The following MYOF variants were observed in gnomAD, a reference collection of about 807,000 sequenced individuals.
MYOF encodes the protein fer-1-like 3, myoferlin.
A neutral mutation model predicts 284.2 loss-of-function variants in MYOF; 244 were observed. The observed-to-expected ratio is 0.86, with a 90% confidence interval of 0.77 to 0.95. The LOEUF is 0.95. Ranked by LOEUF, MYOF falls within the 40% of genes least tolerant of loss-of-function variation. The probability of loss-of-function intolerance (pLI) is 0.00; values close to 1 mark genes in which losing one functional copy is unlikely to be tolerated. For synonymous variants in MYOF, 904 were observed against 919.7 expected (o/e 0.98, Z 0.31); for missense variants, 2,496 against 2,560.6 (o/e 0.97, Z 0.54).
intron 51 of MYOF, among the ~76,000 whole-genome samples, chr10:93,311,688 G>A (rs1431747822): frequency 6.6e-6 from 1 of 152,082 alleles, no homozygotes; most frequent in Non-Finnish European, 1.5e-5. Context: ...AGCCAGGAAA[G>A]GCAGCAAGGT....
Position 93,369,796 on chromosome 10 carries a change from A to T in MYOF, c.2458-20T>A. On this transcript the variant is annotated intron_variant, in intron 24 of 53. Transcript: ENST00000359263. Reference sequence around the variant, plus strand: ...TGGATACTGTGAGATGAACAATAGCATGTGATGTTACATTAGGCACAGCAA... The same window carrying T: ...TGGATACTGTGAGATGAACAATAGCTTGTGATGTTACATTAGGCACAGCAA... 1 of 1,613,968 alleles carries T rather than the reference A, an allele frequency of 6.2e-7. No individual in the cohort carries two copies. Among genetic ancestry groups the T allele is most frequent in the Non-Finnish European group, 8.5e-7 (1 of 1,179,920 alleles).
At chr10:93,451,384 C>T (rs2056586039) in intron 3 of MYOF, among the ~76,000 whole-genome samples, 1 of 152,030 alleles carries the variant, frequency 6.6e-6, no homozygotes. Context: ...GAATTGGTAA[C>T]ATACGACTGG....
At chr10:93,329,208 G>T (rs1339086501) in intron 44 of MYOF, among the ~76,000 whole-genome samples, 3 of 152,170 alleles carry the variant, frequency 2.0e-5, no homozygotes, top group Non-Finnish European at 4.4e-5. Context: ...TCATAAACTA[G>T]AAATTGCAAG....
chr10:93,307,314 G>GAGAT lies in MYOF; in HGVS notation c.6148-317_6148-314dup, dbSNP rs572416667. Among the ~76,000 whole-genome samples, 454 of 151,024 alleles carry GAGAT rather than the reference G, an allele frequency of 3.0e-3. 4 individuals are homozygous for GAGAT. Among genetic ancestry groups the GAGAT allele is most frequent in the African/African-American group, 0.01 (417 of 41,116 alleles). The stretch of plus-strand genomic sequence containing the variant: ...TTATTTTTATTTTTATTTTTTTTTT[G>GAGAT]AGATGGAGTCTTGCTCTGTCGCCTA... On this transcript the variant is annotated intron_variant, in intron 53 of 53. Coordinates refer to ENST00000359263, the MANE Select transcript of MYOF (RefSeq NM_013451.4).
rs74511806 is a variant in MYOF at position 93,403,214 on chromosome 10, G to A, written c.844-324C>T. 3.9e-5 allele frequency among the ~76,000 whole-genome samples: 6 copies of A among 152,222 alleles called. No homozygotes were observed. In the East Asian group the frequency reaches 1.2e-3, roughly 29 times the overall value. ...AAGTCCCAGGCAAAGTGGGACCATTGGTCATCCTACAGAAATTCACCTGGC... is the reference window on the plus strand; with the variant it reads ...AAGTCCCAGGCAAAGTGGGACCATTAGTCATCCTACAGAAATTCACCTGGC... On this transcript the variant is annotated intron_variant, in intron 9 of 53. Transcript: ENST00000359263.
chr10:93,381,180 T>C (rs1387024442), intron 20 of MYOF, 39 bp downstream of exon 20: 3 of 1,607,692 alleles, frequency 1.9e-6, no homozygotes, highest in East Asian at 2.2e-5. Flanking sequence ...GGTGCACCCA[T>C]TGTAAACGTG....
At chr10:93,407,737 CAAA>C (rs34172104) in intron 7 of MYOF, among the ~76,000 whole-genome samples, 17 of 95,130 alleles carry the variant, frequency 1.8e-4, no homozygotes, top group Admixed American at 3.4e-4. Context: ...GACTCTGTCT[CAAA>C]AAAAAAAAAA....
In MYOF at chr10:93,402,251, C is replaced by T. The variant is rs746877048; in HGVS notation, c.971G>A (p.Gly324Glu). Residue 324 changes from glycine to glutamate, a missense_variant, in exon 11 of 54, where the codon GGA becomes GAA. Physicochemically the swap from Gly to Glu is moderately conservative, Grantham distance 98. Transcript: ENST00000359263. ...GYMKVSMFVL[G>E]TGDEPPPERR... ...ACTCACAGGAGGCTCATCTCCGGTT[C>T]CCAGGACAAACATGCTGACTTTCAT... The T allele has an allele frequency of 6.2e-7, 1 of 1,613,906 alleles. No individual in the cohort carries two copies. Among genetic ancestry groups the T allele is most frequent in the South Asian group, 1.1e-5 (1 of 91,072 alleles).
Position 93,333,287 on chromosome 10 carries a change from A to G in MYOF, c.4745T>C (p.Leu1582Pro), listed in dbSNP as rs760237224. The G allele has an allele frequency of 3.3e-5, 53 of 1,614,040 alleles. No homozygotes were observed. The highest frequency in any genetic ancestry group is 4.1e-5 in the Non-Finnish European group (48 of 1,179,996). Reference sequence around the variant, plus strand: ...TCGGTCTTCAATGACTTTTTTGCCCAGTGTTATTTTTATGTAAGGGTCACA... The same window carrying G: ...TCGGTCTTCAATGACTTTTTTGCCCGGTGTTATTTTTATGTAAGGGTCACA... ...GLCDPYIKIT[L>P]GKKVIEDRDH... The change falls in exon 43 of 54, where the codon CTG (leucine) becomes CCG (proline). Residue 1582 changes from leucine (L) to proline (P), a missense_variant. Coordinates refer to ENST00000359263, the MANE Select transcript of MYOF (RefSeq NM_013451.4).
intron 2 of MYOF, among the ~76,000 whole-genome samples, chr10:93,456,624 C>A (rs775868717): frequency 7.9e-5 from 12 of 152,168 alleles, no homozygotes; most frequent in Non-Finnish European, 1.6e-4. Flanking sequence ...AAGCTCGTGG[C>A]GGTGCCTGGT....
chr10:93,317,205 C>T (rs1043543870), intron 49 of MYOF, among the ~76,000 whole-genome samples: 2 of 146,240 alleles, frequency 1.4e-5, no homozygotes, highest in African/African-American at 2.5e-5. Flanking sequence ...TGCTCAGCAA[C>T]TTTCTACCCA....
In MYOF at chr10:93,359,873, C is replaced by T. The variant is rs1027491134; in HGVS notation, c.3080G>A (p.Arg1027His). ...THRRRRLVRK[R>H]KKDLTQTASS... Reference sequence around the variant, plus strand: ...AGCAGTCTGTGTTAAATCTTTCTTGCGTTTTCGGACCAGCCTTCGCCGTCT... The same window carrying T: ...AGCAGTCTGTGTTAAATCTTTCTTGTGTTTTCGGACCAGCCTTCGCCGTCT... Residue 1027 changes from arginine to histidine, a missense_variant, in exon 29 of 54, where the codon CGC becomes CAC. This residue lies in a region of MYOF where 2,436 missense variants were observed against 2,480.7 expected (regional missense o/e 0.98). Coordinates refer to ENST00000359263, the MANE Select transcript of MYOF (RefSeq NM_013451.4). 15 of 1,614,040 alleles carry T rather than the reference C, an allele frequency of 9.3e-6. No individual in the cohort carries two copies. The highest frequency in any genetic ancestry group is 2.7e-5 in the African/African-American group (2 of 74,942).
chr10:93,423,648 A>G (rs1164957419), intron 5 of MYOF, among the ~76,000 whole-genome samples: 1 of 151,492 alleles, frequency 6.6e-6, no homozygotes, highest in Non-Finnish European at 1.5e-5. Context: ...CCTGGCTAAC[A>G]CGGTGAAACC....
At chr10:93,317,769 G>A (rs1842679214) in intron 49 of MYOF, among the ~76,000 whole-genome samples, 1 of 152,244 alleles carries the variant, frequency 6.6e-6, no homozygotes, top group African/African-American at 2.4e-5. Flanking sequence ...CATTGCCTCA[G>A]ACAATGTTAA....
chr10:93,311,386 G>A (rs1842379940), intron 51 of MYOF, among the ~76,000 whole-genome samples: 1 of 150,390 alleles, frequency 6.6e-6, no homozygotes, highest in African/African-American at 2.5e-5. Context: ...GAGGCGGGAG[G>A]ATCACCTGAG....
rs1324618887 is a variant in MYOF, at chr10:93,336,030, AG to A, written c.4453del (p.Leu1485Ter). 1.9e-6 allele frequency: 3 copies of A among 1,613,840 alleles called. No homozygotes were observed. In the Admixed American group the frequency reaches 5.0e-5, roughly 27 times the overall value. On this transcript the variant is annotated frameshift_variant, in exon 41 of 54. Coordinates refer to ENST00000359263, the MANE Select transcript of MYOF (RefSeq NM_013451.4). LOFTEE classifies it high-confidence loss of function. The part of the protein sequence containing the change: ...YSKLKIYNCE[L>X]ENVAEFEGLT... ...GCCCTCAAATTCTGCTACATTTTCTAGTTCACAATTATATATCTGAAAACCA... is the reference window on the plus strand; with the variant it reads ...GCCCTCAAATTCTGCTACATTTTCTATTCACAATTATATATCTGAAAACCA...
intron 29 of MYOF, 89 bp from the exon 30 acceptor site, chr10:93,356,937 A>G: frequency 7.8e-7 from 1 of 1,290,066 alleles, no homozygotes; most frequent in Non-Finnish European, 1.1e-6. Flanking sequence ...CAATCAACAG[A>G]TACACAGTAT....
At chr10:93,424,509 G>C (rs1848496208) in intron 5 of MYOF, among the ~76,000 whole-genome samples, 1 of 151,958 alleles carries the variant, frequency 6.6e-6, no homozygotes, top group Non-Finnish European at 1.5e-5. Context: ...GGATGTTCTT[G>C]AGCCACTGCA....
intron 1 of MYOF, among the ~76,000 whole-genome samples, chr10:93,469,882 G>A (rs2057098094): frequency 6.6e-6 from 1 of 152,252 alleles, no homozygotes; most frequent in Middle Eastern, 3.4e-3. Context: ...AGTTTGTTCA[G>A]CTCTCAAGTG....
Sources: allele counts gnomAD v4.1 joint callset (sites outside exome capture counted in the v4.1 genomes callset), GRCh38; gene constraint gnomAD v4.1.1; regional missense constraint gnomAD v4.1.1; transcripts MANE v1.5; gene names NCBI Gene and HGNC (gene_info 2026-07-23, HGNC 2026-07-21).